NEGR1: variants seen among roughly 807,000 people sequenced by gnomAD.
NEGR1 encodes neuronal growth regulator 1, also known as IgLON family member 4.
NEGR1 carries 10 observed loss-of-function variants against 40.9 expected under a neutral mutation model. The observed-to-expected ratio is 0.24, with a 90% CI of 0.15 to 0.42. The LOEUF is 0.42. Ranked by LOEUF, NEGR1 falls within the 10% of genes least tolerant of loss-of-function variation. NEGR1 has a pLI of 1.00. For missense variants in NEGR1, 352 were observed against 438.9 expected (o/e 0.80, Z 1.77); for synonymous variants, 185 against 166.8 (o/e 1.11, Z -0.84).
At chr1:72,242,545 C>G (rs1452325886) in intron 1 of NEGR1, among the ~76,000 whole-genome samples, 1 of 151,546 alleles carries the variant, frequency 6.6e-6, no homozygotes, top group Non-Finnish European at 1.5e-5. Context: ...ATTCATTTAA[C>G]AGAGGTTTAG....
chr1:71,887,332 T>G (rs1006762948), intron 2 of NEGR1, among the ~76,000 whole-genome samples: 9 of 152,156 alleles, frequency 5.9e-5, no homozygotes, highest in African/African-American at 1.9e-4. Context: ...AGTTCAAATT[T>G]ATGTTGTTCA....
Position 72,055,506 on chromosome 1 carries a change from T to A in NEGR1, c.177-120195A>T, listed in dbSNP as rs1647102433. ...ATAAAGTGTAATTGTTTTAACTTCA[T>A]TAACAAGATAATGGGAAATGAAATA... On this transcript the variant is annotated intron_variant, in intron 1 of 6. Transcript: ENST00000357731. 6.6e-5 allele frequency among the ~76,000 whole-genome samples: 10 copies of A among 151,072 alleles called. 1 individual carries two copies. In the Admixed American group the frequency reaches 6.6e-4, roughly 10 times the overall value.
intron 1 of NEGR1, among the ~76,000 whole-genome samples, chr1:71,988,547 A>G (rs1378204066): frequency 2.0e-5 from 2 of 100,590 alleles, no homozygotes; most frequent in East Asian, 5.5e-4. Context: ...CTCCGTCTCA[A>G]AAAAAAAAAA....
At chr1:71,870,548 C>T (rs777309233) in intron 2 of NEGR1, among the ~76,000 whole-genome samples, 7 of 152,106 alleles carry the variant, frequency 4.6e-5, no homozygotes, top group Admixed American at 2.6e-4. Flanking sequence ...ACTTTACTTG[C>T]ACTACAATTA....
chr1:71,589,619 T>A (rs1247191746), intron 6 of NEGR1, among the ~76,000 whole-genome samples: 1 of 152,124 alleles, frequency 6.6e-6, no homozygotes, highest in African/African-American at 2.4e-5. Context: ...AACTAAACAT[T>A]AGCAGTTATC....
rs201597035 is a variant in NEGR1 at position 71,826,255 on chromosome 1, A to G, written c.410-49958T>C. Among the ~76,000 whole-genome samples the G allele has an allele frequency of 3.0e-4, 46 of 151,864 alleles. 1 individual carries two copies. The East Asian group carries it at 8.2e-3, about 27-fold the overall frequency. On this transcript the variant is annotated intron_variant, in intron 2 of 6. Transcript: ENST00000357731. ...CTGTCACTCTGCTCTGTCTTTCCCT[A>G]TTTTTCAACTATGAATCTATATATC...
At chr1:72,122,434 C>T (rs1162183035) in intron 1 of NEGR1, among the ~76,000 whole-genome samples, 1 of 151,896 alleles carries the variant, frequency 6.6e-6, no homozygotes, top group East Asian at 1.9e-4. Flanking sequence ...ATTTTATTCC[C>T]AATCCATTTA....
chr1:71,854,637 TG>T (rs1659706511), intron 2 of NEGR1, among the ~76,000 whole-genome samples: 1 of 151,966 alleles, frequency 6.6e-6, no homozygotes, highest in African/African-American at 2.4e-5. Flanking sequence ...CTGCTGGTGG[TG>T]GGGGCGACCT....
intron 3 of NEGR1, among the ~76,000 whole-genome samples, chr1:71,764,791 G>A (rs961285418): frequency 5.3e-5 from 8 of 152,190 alleles, no homozygotes; most frequent in African/African-American, 1.9e-4. Context: ...CTTTGCATTT[G>A]AAGCAAATTG....
At chr1:71,885,900 A>C (rs1173678567) in intron 2 of NEGR1, among the ~76,000 whole-genome samples, 1 of 152,178 alleles carries the variant, frequency 6.6e-6, no homozygotes, top group Non-Finnish European at 1.5e-5. Flanking sequence ...GTGTTTTCCC[A>C]AAAATATCTT....
intron 1 of NEGR1, among the ~76,000 whole-genome samples, chr1:72,271,435 T>C (rs1655839870): frequency 6.6e-6 from 1 of 151,812 alleles, no homozygotes. Context: ...TCATTTTGCT[T>C]AAGTCAGAGT....
intron 3 of NEGR1, among the ~76,000 whole-genome samples, chr1:71,739,199 G>GAAA (rs776411417): frequency 1.7e-4 from 11 of 63,640 alleles, no homozygotes; most frequent in African/African-American, 2.8e-4. Flanking sequence ...AAGGCAGGCA[G>GAAA]AAAAAAAAAA....
chr1:71,949,072 AC>A (rs1037431940), intron 1 of NEGR1, among the ~76,000 whole-genome samples: 2 of 152,150 alleles, frequency 1.3e-5, no homozygotes, highest in African/African-American at 4.8e-5. Flanking sequence ...TCAGACTAAC[AC>A]AGGATTGAAT....
chr1:71,828,833 G>A (rs1658735249), intron 2 of NEGR1, among the ~76,000 whole-genome samples: 1 of 151,944 alleles, frequency 6.6e-6, no homozygotes, highest in Non-Finnish European at 1.5e-5. Context: ...AGGAAAAAAA[G>A]GTTTGGCTTA....
At chr1:72,102,685 A>C (rs549183500) in intron 1 of NEGR1, among the ~76,000 whole-genome samples, 2 of 152,218 alleles carry the variant, frequency 1.3e-5, no homozygotes, top group South Asian at 2.1e-4. Flanking sequence ...CAAACAAATA[A>C]AATATTATGT....
chr1:71,477,757 C>T (rs760843473), intron 6 of NEGR1, among the ~76,000 whole-genome samples: 15 of 152,024 alleles, frequency 9.9e-5, no homozygotes, highest in Non-Finnish European at 1.8e-4. Context: ...CTTATGTTCA[C>T]TTAGTAGATT....
chr1:71,923,711 A>T (rs1645741882), intron 2 of NEGR1, among the ~76,000 whole-genome samples: 1 of 152,048 alleles, frequency 6.6e-6, no homozygotes, highest in Admixed American at 6.5e-5. Context: ...AAGTCTATCC[A>T]TATTCCTTGG....
At position 71,651,092 on chromosome 1, in the gene NEGR1, A is replaced by G. The variant is rs566563388; in HGVS notation, c.668-39946T>C. ...GTATAGTACCTGACACGTATTAGGA[A>G]CTCAAAGAAAAACTAAGACAAATGA... is the stretch of plus-strand genomic sequence containing the variant. On this transcript the variant is annotated intron_variant, in intron 4 of 6. Transcript: ENST00000357731. Among the ~76,000 whole-genome samples the G allele has an allele frequency of 4.6e-5, 7 of 152,298 alleles. No homozygotes were observed. The East Asian group carries it at 1.3e-3, about 29-fold the overall frequency.
chr1:72,004,869 G>C (rs2100388915), intron 1 of NEGR1, among the ~76,000 whole-genome samples: 1 of 152,202 alleles, frequency 6.6e-6, no homozygotes, highest in Admixed American at 6.5e-5. Context: ...TGAAAAGTAA[G>C]AAGCAAAACA....
Sources: gnomAD v4.1 joint callset for allele counts (sites outside exome capture counted in the v4.1 genomes callset) on GRCh38, gnomAD v4.1.1 for gene constraint, MANE v1.5 for transcripts, NCBI Gene and HGNC (gene_info 2026-07-23, HGNC 2026-07-21) for gene names.